Variants in ST3GAL3 observed in about 807,000 individuals in gnomAD.
ST3GAL3 encodes the protein CMP-N-acetylneuraminate-beta-1,4-galactoside alpha-2,3-sialyltransferase.
A neutral mutation model predicts 50.1 loss-of-function variants in ST3GAL3; 21 were observed. The ratio of observed to expected loss-of-function variants is 0.42; its 90% CI spans 0.30 to 0.60. ST3GAL3 has a LOEUF of 0.60. ST3GAL3 is among the 20% of genes least tolerant of loss of function. The pLI is 0.19. For missense variants in ST3GAL3, 353 were observed against 489.4 expected (o/e 0.72, Z 2.63); for synonymous variants, 183 against 190.0 (o/e 0.96, Z 0.30).
chr1:43,869,410 C>T (rs2072103218), intron 5 of ST3GAL3, among the ~76,000 whole-genome samples: 1 of 152,124 alleles, frequency 6.6e-6, no homozygotes, highest in Non-Finnish European at 1.5e-5. Flanking sequence ...CCCTCCCTGT[C>T]ACAGTGGTTT....
At chr1:43,724,153 T>C (rs1180152014) in intron 1 of ST3GAL3, among the ~76,000 whole-genome samples, 1 of 152,178 alleles carries the variant, frequency 6.6e-6, no homozygotes, top group African/African-American at 2.4e-5. Flanking sequence ...TTTTGGAATG[T>C]GTACAAATTA....
intron 2 of ST3GAL3, among the ~76,000 whole-genome samples, chr1:43,767,427 G>C (rs1301378331): frequency 6.6e-6 from 1 of 152,112 alleles, no homozygotes; most frequent in Admixed American, 6.5e-5. Flanking sequence ...ACAGGGAACA[G>C]TTTAGACTTC....
Position 43,792,160 on chromosome 1 carries a change from T to C in ST3GAL3, c.166+11T>C. 6.2e-7 allele frequency: 1 copy of C among 1,613,878 alleles called. No individual in the cohort carries two copies. Among genetic ancestry groups the C allele is most frequent in the Non-Finnish European group, 8.5e-7 (1 of 1,179,702 alleles). On this transcript the variant is annotated intron_variant, in intron 3 of 11. Transcript: ENST00000347631. ...AAACACTAGGCTCAGGTACCAACTC[T>C]TCCCCCTCTATCATCTTTTTGGCCT...
Position 43,810,914 on chromosome 1 carries a change from G to A in ST3GAL3, c.167-3977G>A, listed in dbSNP as rs556663813. 6.0e-5 allele frequency among the ~76,000 whole-genome samples: 9 copies of A among 150,228 alleles called. No homozygotes were observed. In the South Asian group the frequency reaches 1.2e-3, roughly 21 times the overall value. Reference sequence around the variant, plus strand: ...CCTCCCTCTATTCCAGTCACTTTCGGTCACCCCTGAGACCCTCTGCACTCT... The same window carrying A: ...CCTCCCTCTATTCCAGTCACTTTCGATCACCCCTGAGACCCTCTGCACTCT... On this transcript the variant is annotated intron_variant, in intron 3 of 11. Transcript: ENST00000347631.
At chr1:43,801,084 A>G (rs1317262176) in intron 3 of ST3GAL3, among the ~76,000 whole-genome samples, 2 of 152,232 alleles carry the variant, frequency 1.3e-5, no homozygotes, top group Non-Finnish European at 2.9e-5. Context: ...TTCTTGCCTC[A>G]TGGACTATCC....
At chr1:43,884,954 C>G (rs1279526816) in intron 5 of ST3GAL3, among the ~76,000 whole-genome samples, 1 of 152,238 alleles carries the variant, frequency 6.6e-6, no homozygotes, top group Non-Finnish European at 1.5e-5. Context: ...CCTCACCTCA[C>G]TCCTTAATAA....
chr1:43,902,699 C>T (rs182007730), intron 9 of ST3GAL3, among the ~76,000 whole-genome samples: 28 of 152,304 alleles, frequency 1.8e-4, no homozygotes, highest in African/African-American at 6.3e-4. Flanking sequence ...AAGCACAGCA[C>T]GGAAGCTGAG....
intron 4 of ST3GAL3, among the ~76,000 whole-genome samples, chr1:43,833,669 T>C (rs1184955837): frequency 6.6e-6 from 1 of 152,170 alleles, no homozygotes; most frequent in African/African-American, 2.4e-5. Context: ...AGAGTGACTC[T>C]ATTGTCTCTA....
In ST3GAL3 at chr1:43,736,369, A is replaced by G; in HGVS notation, c.107A>G (p.Glu36Gly). ...TGGAAGCTACACTTACTCCAGTGGG[A>G]GGAGGACTCCAGTAAGTATAGTCAC... Reference protein sequence around the residue: ...SAWKLHLLQWEEDSNSVVLSF... With the variant: ...SAWKLHLLQWGEDSNSVVLSF... The change falls in exon 2 of 12, where the codon GAG becomes GGG. Residue 36 changes from glutamate (E) to glycine (G), a missense_variant. Transcript: ENST00000347631. 2.5e-6 allele frequency: 4 copies of G among 1,614,140 alleles called. 1 individual carries two copies. The Middle Eastern group carries it at 6.6e-4, about 266-fold the overall frequency.
At chr1:43,820,564 T>C (rs1232094979) in intron 4 of ST3GAL3, among the ~76,000 whole-genome samples, 1 of 152,202 alleles carries the variant, frequency 6.6e-6, no homozygotes, top group Non-Finnish European at 1.5e-5. Context: ...TGTCTAGTGA[T>C]ATTCCAAAAG....
intron 5 of ST3GAL3, among the ~76,000 whole-genome samples, chr1:43,869,001 G>T (rs768233307): frequency 2.6e-5 from 4 of 152,174 alleles, no homozygotes; most frequent in Non-Finnish European, 4.4e-5. Context: ...CATGACATTA[G>T]ACTGGAGGCT....
intron 1 of ST3GAL3, among the ~76,000 whole-genome samples, chr1:43,724,097 G>A (rs1051588960): frequency 3.3e-5 from 5 of 151,856 alleles, no homozygotes; most frequent in African/African-American, 1.2e-4. Flanking sequence ...ATATATGTAT[G>A]CATATATATA....
intron 2 of ST3GAL3, among the ~76,000 whole-genome samples, chr1:43,778,952 T>C (rs1698401704): frequency 6.7e-6 from 1 of 150,000 alleles, no homozygotes; most frequent in African/African-American, 2.5e-5. Flanking sequence ...CGGCCATTCT[T>C]TTTTTTTCAG....
intron 3 of ST3GAL3, among the ~76,000 whole-genome samples, chr1:43,808,228 C>T (rs1278461899): frequency 2.0e-5 from 3 of 150,884 alleles, no homozygotes; most frequent in African/African-American, 4.9e-5. Flanking sequence ...CACTTGAACC[C>T]GGGAGGTGGC....
intron 5 of ST3GAL3, among the ~76,000 whole-genome samples, chr1:43,888,981 C>G (rs907735124): frequency 2.6e-5 from 4 of 152,096 alleles, no homozygotes; most frequent in Non-Finnish European, 5.9e-5. Context: ...TTAAATTATT[C>G]ATTGTAACCA....
At chr1:43,721,318 T>TA (rs1313527899) in intron 1 of ST3GAL3, among the ~76,000 whole-genome samples, 1 of 124,570 alleles carries the variant, frequency 8.0e-6, no homozygotes, top group Non-Finnish European at 1.7e-5. Flanking sequence ...TTTTTTTTTT[T>TA]AATGAGACGG....
intron 2 of ST3GAL3, among the ~76,000 whole-genome samples, chr1:43,780,253 C>A (rs2154141513): frequency 6.6e-6 from 1 of 152,202 alleles, no homozygotes; most frequent in Non-Finnish European, 1.5e-5. Context: ...GATACTGCCC[C>A]CATTGTATTC....
intron 5 of ST3GAL3, among the ~76,000 whole-genome samples, chr1:43,884,943 C>CGTA (rs2075733116): frequency 6.6e-6 from 1 of 152,194 alleles, no homozygotes; most frequent in African/African-American, 2.4e-5. Context: ...CATAACTACT[C>CGTA]CCTCACCTCA....
rs768368942 is a variant in ST3GAL3 at position 43,792,162 on chromosome 1, C to T, written c.166+13C>T. 75 of 1,614,076 alleles carry T rather than the reference C, an allele frequency of 4.6e-5. No individual in the cohort carries two copies. Among genetic ancestry groups the T allele is most frequent in the Admixed American group, 1.5e-4 (9 of 60,008 alleles). Reference sequence around the variant, plus strand: ...ACACTAGGCTCAGGTACCAACTCTTCCCCCTCTATCATCTTTTTGGCCTTC... The same window carrying T: ...ACACTAGGCTCAGGTACCAACTCTTTCCCCTCTATCATCTTTTTGGCCTTC... On this transcript the variant is annotated intron_variant, in intron 3 of 11. Coordinates refer to ENST00000347631, the MANE Select transcript of ST3GAL3 (RefSeq NM_006279.5).
Sources: gnomAD v4.1 joint callset for allele counts (sites outside exome capture counted in the v4.1 genomes callset) on GRCh38, gnomAD v4.1.1 for gene constraint, MANE v1.5 for transcripts, NCBI Gene and HGNC (gene_info 2026-07-23, HGNC 2026-07-21) for gene names.